Variants in CNTN1 observed in about 807,000 individuals in gnomAD.
CNTN1 encodes the protein contactin-1.
CNTN1 carries 38 observed loss-of-function variants against 126.4 expected under a neutral mutation model. That is an observed-to-expected ratio of 0.30 (90% CI 0.23 to 0.39). CNTN1 has a LOEUF of 0.39. Among genes scored for constraint, CNTN1 ranks in the 10% least tolerant of loss-of-function variants. The probability of loss-of-function intolerance (pLI) is 1.00; values close to 1 mark genes in which losing one functional copy is unlikely to be tolerated. For synonymous variants in CNTN1, 413 were observed against 422.6 expected, an observed-to-expected ratio of 0.98 and a Z score of 0.28; for missense variants, 1,009 against 1,248.4, an observed-to-expected ratio of 0.81 and a Z score of 2.89.
intron 1 of CNTN1, among the ~76,000 whole-genome samples, chr12:40,766,387 A>T (rs1939093060): frequency 6.6e-6 from 1 of 151,658 alleles, no homozygotes; most frequent in African/African-American, 2.4e-5. Context: ...AGAAAGAAAA[A>T]GCATTCCAGC....
At chr12:40,777,017 C>A (rs1157083728) in intron 1 of CNTN1, among the ~76,000 whole-genome samples, 1 of 151,542 alleles carries the variant, frequency 6.6e-6, no homozygotes, top group Non-Finnish European at 1.5e-5. Flanking sequence ...AACTGTCACA[C>A]CTCTATAAAA....
intron 15 of CNTN1, among the ~76,000 whole-genome samples, chr12:40,970,107 T>G (rs1328216655): frequency 6.6e-6 from 1 of 151,662 alleles, no homozygotes; most frequent in Non-Finnish European, 1.5e-5. Flanking sequence ...ATGTGTAGGG[T>G]CTAAGCAACT....
At chr12:40,861,206 G>A (rs1473303432) in intron 1 of CNTN1, among the ~76,000 whole-genome samples, 2 of 152,018 alleles carry the variant, frequency 1.3e-5, no homozygotes, top group African/African-American at 4.8e-5. Context: ...GAGTTGGCTT[G>A]TCCATGTTAA....
At position 40,852,271 on chromosome 12, in the gene CNTN1, T is replaced by C. The variant is rs189044638; in HGVS notation, c.-76-56086T>C. On this transcript the variant is annotated intron_variant, in intron 1 of 23. Transcript: ENST00000551295. ...TCAAATTAACCCCTCGGTTTCCTTA[T>C]AGTTACTCAGCCATACTTAAGGTTG... 4.7e-3 allele frequency among the ~76,000 whole-genome samples: 719 copies of C among 152,292 alleles called. 18 individuals are homozygous for C. Among genetic ancestry groups the C allele is most frequent in the Non-Finnish European group, 1.5e-3 (100 of 68,028 alleles).
rs111912596 is a variant in CNTN1 at position 40,956,084 on chromosome 12, G to A, written c.1684-3030G>A. Reference sequence around the variant, plus strand: ...ATGCTGTCACTGTCATGGGTTATATGTACTTGCTAACATAATTCTGAATGT... The same window carrying A: ...ATGCTGTCACTGTCATGGGTTATATATACTTGCTAACATAATTCTGAATGT... On this transcript the variant is annotated intron_variant, in intron 14 of 23. Coordinates refer to ENST00000551295, the MANE Select transcript of CNTN1 (RefSeq NM_001843.4). Among the ~76,000 whole-genome samples, 433 of 152,184 alleles carry A rather than the reference G, an allele frequency of 2.8e-3. 2 individuals carry two copies. The highest frequency in any genetic ancestry group is 9.9e-3 in the African/African-American group (411 of 41,538).
intron 1 of CNTN1, among the ~76,000 whole-genome samples, chr12:40,756,536 A>G (rs1938614986): frequency 1.3e-5 from 2 of 152,110 alleles, no homozygotes; most frequent in South Asian, 4.2e-4. Flanking sequence ...GATGTCTGAG[A>G]AACTAGTAGG....
intron 20 of CNTN1, among the ~76,000 whole-genome samples, chr12:41,023,234 T>C (rs1948964955): frequency 6.6e-6 from 1 of 152,156 alleles, no homozygotes; most frequent in Admixed American, 6.6e-5. Context: ...AATATAAAGC[T>C]GGAAAGCCCT....
At chr12:40,907,906 C>T (rs1944889902) in intron 1 of CNTN1, among the ~76,000 whole-genome samples, 1 of 152,216 alleles carries the variant, frequency 6.6e-6, no homozygotes, top group Admixed American at 6.5e-5. Context: ...AGTTTACAAG[C>T]TCTTATACAA....
chr12:40,960,225 T>TC (rs1274133760), intron 15 of CNTN1, among the ~76,000 whole-genome samples: 2 of 146,536 alleles, frequency 1.4e-5, no homozygotes, highest in African/African-American at 5.0e-5. Flanking sequence ...TTCATATATG[T>TC]TTTTTTTTTA....
At chr12:40,720,410 G>T (rs1390778681) in intron 1 of CNTN1, among the ~76,000 whole-genome samples, 1 of 24,238 alleles carries the variant, frequency 4.1e-5, no homozygotes, top group African/African-American at 8.7e-5. Flanking sequence ...TCTCAAAGGG[G>T]TGTGTGTGTG....
chr12:40,791,286 G>A (rs1451630800), intron 1 of CNTN1, among the ~76,000 whole-genome samples: 3 of 152,022 alleles, frequency 2.0e-5, no homozygotes, highest in African/African-American at 7.2e-5. Flanking sequence ...TTCCAGAGAT[G>A]GTTTATCACC....
At position 41,039,229 on chromosome 12, in the gene CNTN1, T is replaced by C. The variant is rs75755873; in HGVS notation, c.2980+10010T>C. On this transcript the variant is annotated intron_variant, in intron 23 of 23. Transcript: ENST00000551295. ...GGAAGGGAAGTAGAAATCTCATGAA[T>C]GGTGGTGCAAATCTCTGTGAATCTC... 3.9e-3 allele frequency among the ~76,000 whole-genome samples: 600 copies of C among 152,260 alleles called. 7 individuals carry two copies. The highest frequency in any genetic ancestry group is 0.014 in the African/African-American group (578 of 41,556).
chr12:40,952,429 A>C (rs918635948), intron 14 of CNTN1, among the ~76,000 whole-genome samples: 1 of 152,144 alleles, frequency 6.6e-6, no homozygotes, highest in Non-Finnish European at 1.5e-5. Flanking sequence ...CATTTAAAAA[A>C]CATTCAGTAA....
intron 23 of CNTN1, among the ~76,000 whole-genome samples, chr12:41,057,859 G>A (rs765270442): frequency 2.0e-5 from 3 of 152,068 alleles, no homozygotes; most frequent in South Asian, 2.1e-4. Flanking sequence ...GTGAAGAGTC[G>A]TGAGAGATTC....
Position 41,029,172 on chromosome 12 carries a change from C to T in CNTN1, c.2933C>T (p.Ala978Val), listed in dbSNP as rs201413314. ...GGAGAATACGTTGTGGAGGTTCGCG[C>T]GCACAGTGATGGAGGAGATGGAGTG... is the stretch of plus-strand genomic sequence containing the variant. ...RDGEYVVEVR[A>V]HSDGGDGVVS... is the part of the protein sequence containing the mutation. Residue 978 changes from alanine (A) to valine (V), a missense_variant, in exon 23 of 24, where the codon GCG (alanine) becomes GTG (valine). By Grantham distance (64) the Ala-to-Val change is moderately conservative. Transcript: ENST00000551295. The T allele has an allele frequency of 3.7e-6, 6 of 1,614,020 alleles. No individual in the cohort carries two copies. Among genetic ancestry groups the T allele is most frequent in the Non-Finnish European group, 4.2e-6 (5 of 1,179,990 alleles).
In CNTN1 at chr12:40,943,669, C is replaced by T. The variant is rs141868556; in HGVS notation, c.1452C>T (p.Cys484=). ...GGAATGATGGAGGTATCTATACATG[C>T]TTTGCAGAAAATAACAGAGGGAAAG... The part of the protein sequence containing the change: ...ITRNDGGIYT[C]FAENNRGKAN... Residue 484 remains cysteine, a synonymous_variant, in exon 13 of 24, where the codon TGC becomes TGT. Transcript: ENST00000551295. 14 of 1,611,726 alleles carry T rather than the reference C, an allele frequency of 8.7e-6. No homozygotes were observed. In the African/African-American group the frequency reaches 1.7e-4, roughly 20 times the overall value.
chr12:40,784,739 A>G (rs1214898348), intron 1 of CNTN1, among the ~76,000 whole-genome samples: 3 of 152,134 alleles, frequency 2.0e-5, no homozygotes, highest in East Asian at 1.9e-4. Context: ...GTCGTGTTCT[A>G]TATGGGAAAT....
intron 1 of CNTN1, among the ~76,000 whole-genome samples, chr12:40,868,433 T>A (rs1305215758): frequency 1.3e-5 from 2 of 152,116 alleles, no homozygotes; most frequent in Non-Finnish European, 2.9e-5. Context: ...ACTTATGTGG[T>A]TCAACCTGAA....
chr12:40,848,453 G>C (rs988721991), intron 1 of CNTN1, among the ~76,000 whole-genome samples: 2 of 152,100 alleles, frequency 1.3e-5, no homozygotes, highest in African/African-American at 4.8e-5. Context: ...TTTTTTGGAA[G>C]TATTAGTGTT....
Sources: gnomAD v4.1 joint callset for allele counts (sites outside exome capture counted in the v4.1 genomes callset) on GRCh38, gnomAD v4.1.1 for gene constraint, MANE v1.5 for transcripts, NCBI Gene and HGNC (gene_info 2026-07-23, HGNC 2026-07-21) for gene names.